The following ZNF24 variants were observed in gnomAD, a reference collection of about 807,000 sequenced individuals.
ZNF24 encodes the protein retinoic acid suppression protein A.
A neutral mutation model predicts 40.9 loss-of-function variants in ZNF24; 11 were observed. The ratio of observed to expected loss-of-function variants is 0.27; its 90% CI spans 0.17 to 0.45. The LOEUF is 0.45. Among genes scored for constraint, ZNF24 ranks in the 20% least tolerant of loss-of-function variants. The probability of loss-of-function intolerance (pLI) is 1.00; values close to 1 mark genes in which losing one functional copy is unlikely to be tolerated. For missense variants in ZNF24, 293 were observed against 437.7 expected, an observed-to-expected ratio of 0.67 and a Z score of 2.95; for synonymous variants, 139 against 154.7, an observed-to-expected ratio of 0.90 and a Z score of 0.75.
chr18:35,341,023 G>C (rs1378011328), intron 1 of ZNF24, among the ~76,000 whole-genome samples: 1 of 152,204 alleles, frequency 6.6e-6, no homozygotes, highest in African/African-American at 2.4e-5. Flanking sequence ...ATGATATTTA[G>C]GGAATGGAGC....
At chr18:35,339,198 TA>T in intron 3 of ZNF24, 4 of 640,316 alleles carry the variant, frequency 6.2e-6, no homozygotes, top group Non-Finnish European at 1.1e-5. Flanking sequence ...TAATGGCTAA[TA>T]TATTGGGAAA....
At chr18:35,338,627 G>A in intron 3 of ZNF24, 1 of 1,001,120 alleles carries the variant, frequency 1.0e-6, no homozygotes, top group South Asian at 4.6e-5. Flanking sequence ...GAGGAAAACA[G>A]TAAATAATTA....
chr18:35,341,139 A>G (rs1385110299), intron 1 of ZNF24, among the ~76,000 whole-genome samples: 1 of 148,906 alleles, frequency 6.7e-6, no homozygotes, highest in African/African-American at 2.5e-5. Flanking sequence ...CTACAATAGC[A>G]GAGTTGAGTA....
At chr18:35,338,190 T>C (rs1382645417) in intron 3 of ZNF24, 1 of 986,582 alleles carries the variant, frequency 1.0e-6, no homozygotes, top group Non-Finnish European at 1.2e-6. Context: ...TACAAAGATG[T>C]AAATTAGAAA....
chr18:35,342,195 TA>T (rs1266482695), intron 1 of ZNF24, among the ~76,000 whole-genome samples: 7,021 of 135,466 alleles, frequency 0.052, 472 homozygotes, highest in African/African-American at 0.17. Context: ...ACTCTGTCTA[TA>T]AAAAAAAAAA....
In ZNF24 at chr18:35,340,620, T is replaced by C. The variant is rs368633915; in HGVS notation, c.31A>G (p.Ile11Val). Residue 11 changes from isoleucine to valine, a missense_variant, in exon 2 of 4, where the codon ATA becomes GTA. Physicochemically the swap from Ile to Val is conservative, Grantham distance 29 (BLOSUM62 3). Coordinates refer to ENST00000261332, the MANE Select transcript of ZNF24 (RefSeq NM_006965.4). The surrounding 1 kb of genome is among the most constrained non-coding windows in gnomAD (Gnocchi z 4.6). MSAQSVEEDSILIIPTPDEEE... is the reference protein window; with the variant it reads MSAQSVEEDSVLIIPTPDEEE... ...TCATCTGGAGTTGGGATGATAAGTA[T>C]TGAATCTTCTTCCACTGACTGTGCA... 8.1e-6 allele frequency: 13 copies of C among 1,613,786 alleles called. No homozygotes were observed. Among genetic ancestry groups the C allele is most frequent in the African/African-American group, 4.0e-5 (3 of 74,946 alleles).
At position 35,333,613 on chromosome 18, in the gene ZNF24, T is replaced by C. The variant is rs904281281; in HGVS notation, c.*3619A>G. ...AAAGAAAGAAATTTTGCCTACCAGA[T>C]TGGCAAAAATTTTTAAGGATTCAGG... On this transcript the variant is annotated 3_prime_UTR_variant, in exon 4 of 4. Coordinates refer to ENST00000261332, the MANE Select transcript of ZNF24 (RefSeq NM_006965.4). 4.6e-5 allele frequency: 7 copies of C among 152,172 alleles called. No homozygotes were observed. The highest frequency in any genetic ancestry group is 2.6e-4 in the Admixed American group (4 of 15,272). 9.4% of individuals were successfully genotyped at this position (152,172 alleles called of 1,614,324 possible).
intron 1 of ZNF24, among the ~76,000 whole-genome samples, chr18:35,343,511 GAAC>G (rs2044988016): frequency 1.3e-5 from 2 of 152,102 alleles, no homozygotes; most frequent in African/African-American, 4.8e-5. Context: ...CCCAAAATCT[GAAC>G]AATAACAACT....
At chr18:35,343,366 A>T (rs1261671715) in intron 1 of ZNF24, among the ~76,000 whole-genome samples, 2 of 152,168 alleles carry the variant, frequency 1.3e-5, no homozygotes, top group Non-Finnish European at 2.9e-5. Flanking sequence ...TGGAGGACTC[A>T]CAGTTTCCCC....
Position 35,333,639 on chromosome 18 carries a change from G to A in ZNF24, c.*3593C>T, listed in dbSNP as rs796574058. The A allele has an allele frequency of 7.2e-5, 11 of 152,286 alleles. No individual in the cohort carries two copies. Among genetic ancestry groups the A allele is most frequent in the African/African-American group, 2.6e-4 (11 of 41,566 alleles). The allele number at this position is 152,286 out of a possible 1,614,324, so 9.4% of individuals were successfully genotyped here. On this transcript the variant is annotated 3_prime_UTR_variant, in exon 4 of 4. Transcript: ENST00000261332. ...TGGCAAAAATTTTTAAGGATTCAGG[G>A]TTGGCAGACTATAGGCAAACAGGCA...
rs1257286983 is a variant in ZNF24, at chr18:35,340,845, A to G, written c.-83-112T>C. 3.5e-6 allele frequency: 2 copies of G among 577,014 alleles called. No homozygotes were observed. Among genetic ancestry groups the G allele is most frequent in the African/African-American group, 1.9e-5 (1 of 53,116 alleles). 35.7% of individuals were successfully genotyped at this position (577,014 alleles called of 1,614,324 possible). On this transcript the variant is annotated intron_variant, in intron 1 of 3. Transcript: ENST00000261332. The surrounding 1 kb of genome is among the most constrained non-coding windows in gnomAD (Gnocchi z 4.6). ...TTCTTTGAGTTAAAAATTCCAATCA[A>G]TAACCTACACCAGGAATTGGCAAAC... is the stretch of plus-strand genomic sequence containing the variant.
chr18:35,342,152 C>T (rs1022715638), intron 1 of ZNF24, among the ~76,000 whole-genome samples: 41 of 151,478 alleles, frequency 2.7e-4, no homozygotes, highest in Admixed American at 2.2e-3. Context: ...GCCAAGATCG[C>T]GCCACTGCAC....
chr18:35,342,063 G>T (rs1278498033), intron 1 of ZNF24, among the ~76,000 whole-genome samples: 1 of 152,116 alleles, frequency 6.6e-6, no homozygotes, highest in East Asian at 1.9e-4. Context: ...GGGCGTGGTG[G>T]ATTGCGCCTG....
At chr18:35,341,096 T>A in intron 1 of ZNF24, among the ~76,000 whole-genome samples, 1 of 152,178 alleles carries the variant, frequency 6.6e-6, no homozygotes, top group East Asian at 1.9e-4. Context: ...CATGACTGTG[T>A]CCATAAATAA....
chr18:35,343,882 C>T (rs144649407), intron 1 of ZNF24: 183 of 156,472 alleles, frequency 1.2e-3, no homozygotes, highest in African/African-American at 4.1e-3. Flanking sequence ...GGCCCGACGT[C>T]CTCTAGCCCC....
rs1234761392 is a variant in ZNF24, at chr18:35,336,305, C to T, written c.*927G>A. The T allele has an allele frequency of 1.3e-5, 2 of 152,596 alleles. No homozygotes were observed. The highest frequency in any genetic ancestry group is 3.8e-4 in the East Asian group (2 of 5,200). The allele number at this position is 152,596 out of a possible 1,614,324, so 9.5% of individuals were successfully genotyped here. A position where few individuals can be genotyped will look rare whatever the true frequency, so the allele number is the denominator to read the frequency against. On this transcript the variant is annotated 3_prime_UTR_variant, in exon 4 of 4. Transcript: ENST00000261332. ...ACTTGCCCACCTGTCAGGGAATTTTCTGTCCTTAACAAAGATGAAGGCAAA... is the reference window on the plus strand; with the variant it reads ...ACTTGCCCACCTGTCAGGGAATTTTTTGTCCTTAACAAAGATGAAGGCAAA...
intron 1 of ZNF24, among the ~76,000 whole-genome samples, chr18:35,341,925 C>T (rs1191426582): frequency 2.0e-5 from 3 of 152,134 alleles, no homozygotes; most frequent in Non-Finnish European, 4.4e-5. Flanking sequence ...GTGCCGGGCA[C>T]GGTGGCTCAG....
intron 3 of ZNF24, chr18:35,338,732 G>A (rs2044936701): frequency 3.4e-6 from 4 of 1,182,224 alleles, no homozygotes; most frequent in South Asian, 2.9e-5. Flanking sequence ...ACAGAGGAGC[G>A]TGAAGATTAA....
At chr18:35,338,241 A>T in intron 3 of ZNF24, 1 of 985,932 alleles carries the variant, frequency 1.0e-6, no homozygotes, top group Non-Finnish European at 1.2e-6. Flanking sequence ...GAACAAGCCA[A>T]GTCAGGTCAC....
Sources: allele counts gnomAD v4.1 joint callset (sites outside exome capture counted in the v4.1 genomes callset), GRCh38; gene constraint gnomAD v4.1.1; non-coding constraint Gnocchi (gnomAD v3.1); transcripts MANE v1.5; gene names NCBI Gene and HGNC (gene_info 2026-07-23, HGNC 2026-07-21).